Variants in DAB1 observed in about 807,000 individuals in gnomAD.
The protein encoded by DAB1 is disabled homolog 1.
Under a neutral mutation model 64.6 loss-of-function variants are expected in DAB1, and 15 were observed. The observed-to-expected ratio is 0.23, with a 90% CI of 0.16 to 0.36. The LOEUF (loss-of-function observed/expected upper bound fraction) is 0.36. Ranked by LOEUF, DAB1 falls within the 10% of genes least tolerant of loss-of-function variation. DAB1 has a pLI of 1.00. For missense variants in DAB1, 596 were observed against 706.7 expected (o/e 0.84, Z 1.78); for synonymous variants, 235 against 251.9 (o/e 0.93, Z 0.64).
chr1:58,234,809 A>G lies in DAB1; in HGVS notation n.310-84221T>C, dbSNP rs114186130. Among the ~76,000 whole-genome samples the G allele has an allele frequency of 1.8e-3, 269 of 152,314 alleles. 2 individuals are homozygous for G. The highest frequency in any genetic ancestry group is 6.2e-3 in the African/African-American group (256 of 41,582). Reference sequence around the variant, plus strand: ...GCAATGGAGAGCCATTGAAGGCTTGAGCCGGAGGAAGTGACACCCAGAGCC... The same window carrying G: ...GCAATGGAGAGCCATTGAAGGCTTGGGCCGGAGGAAGTGACACCCAGAGCC... On this transcript the variant is annotated intron_variant and non_coding_transcript_variant, in intron 4 of 20. Transcript: ENST00000485760.
At chr1:58,249,247 G>C (rs1343906083) in intron 4 of DAB1, among the ~76,000 whole-genome samples, 26 of 151,706 alleles carry the variant, frequency 1.7e-4, no homozygotes, top group Admixed American at 1.7e-3. Flanking sequence ...CCACATATTT[G>C]AATCTTTTTA....
At chr1:58,229,793 C>T (rs1163709979) in intron 4 of DAB1, among the ~76,000 whole-genome samples, 1 of 152,166 alleles carries the variant, frequency 6.6e-6, no homozygotes, top group Non-Finnish European at 1.5e-5. Flanking sequence ...AACTAAGTTA[C>T]CCAAGGGGGA....
Position 57,011,284 on chromosome 1 carries a change from C to T in DAB1, c.1445-12G>A. ...GGCTGGGGTTGGAGCTACACAGAGA[C>T]CACAGAAAAAGAGACATCTTAAGTG... On this transcript the variant is annotated splice_polypyrimidine_tract_variant and intron_variant, in intron 12 of 14. Coordinates refer to ENST00000371236, the MANE Select transcript of DAB1 (RefSeq NM_001365792.1). 6.2e-7 allele frequency: 1 copy of T among 1,609,770 alleles called. No homozygotes were observed. The highest frequency in any genetic ancestry group is 1.1e-5 in the South Asian group (1 of 89,870).
chr1:58,448,920 G>A (rs780854720), intron 3 of DAB1, among the ~76,000 whole-genome samples: 14 of 152,160 alleles, frequency 9.2e-5, no homozygotes, highest in Non-Finnish European at 1.9e-4. Flanking sequence ...GTCCATCCAC[G>A]TTTATAGAGT....
At chr1:58,133,614 A>G (rs1653770996) in intron 5 of DAB1, among the ~76,000 whole-genome samples, 1 of 152,192 alleles carries the variant, frequency 6.6e-6, no homozygotes, top group Admixed American at 6.5e-5. Flanking sequence ...CAATTGATCA[A>G]TAAGTTTATT....
intron 7 of DAB1, among the ~76,000 whole-genome samples, chr1:57,563,972 G>A (rs1645085332): frequency 6.6e-6 from 1 of 152,172 alleles, no homozygotes; most frequent in Non-Finnish European, 1.5e-5. Context: ...TGAGATCTGA[G>A]AATGGAGAGA....
At chr1:57,175,142 A>G (rs1482173165) in intron 2 of DAB1, among the ~76,000 whole-genome samples, 1 of 152,150 alleles carries the variant, frequency 6.6e-6, no homozygotes, top group African/African-American at 2.4e-5. Flanking sequence ...TTATGCTTAT[A>G]CACTTCATTA....
Position 57,654,388 on chromosome 1 carries a change from C to T in DAB1, n.552-4723G>A, listed in dbSNP as rs77536807. Among the ~76,000 whole-genome samples, 852 of 152,134 alleles carry T rather than the reference C, an allele frequency of 5.6e-3. 9 individuals carry two copies. The highest frequency in any genetic ancestry group is 0.019 in the African/African-American group (790 of 41,500). On this transcript the variant is annotated intron_variant and non_coding_transcript_variant, in intron 6 of 20. Coordinates refer to the DAB1 transcript ENST00000485760. ...CCAGAAGGCGACATTTAGTAAAGTCCTAAAACAGGTGTGGTCACAAGTTAT... is the reference window on the plus strand; with the variant it reads ...CCAGAAGGCGACATTTAGTAAAGTCTTAAAACAGGTGTGGTCACAAGTTAT...
intron 2 of DAB1, among the ~76,000 whole-genome samples, chr1:57,250,803 T>G (rs1244167284): frequency 3.9e-5 from 6 of 152,252 alleles, no homozygotes; most frequent in Non-Finnish European, 8.8e-5. Flanking sequence ...ATATTCATAT[T>G]ATCATGTCAT....
chr1:58,330,430 T>C (rs1465875909), intron 4 of DAB1, among the ~76,000 whole-genome samples: 1 of 152,358 alleles, frequency 6.6e-6, no homozygotes, highest in East Asian at 1.9e-4. Flanking sequence ...TGCAGCAAGT[T>C]CTTCAGAAGA....
At chr1:58,240,830 G>A (rs1200688952) in intron 4 of DAB1, among the ~76,000 whole-genome samples, 2 of 152,058 alleles carry the variant, frequency 1.3e-5, no homozygotes, top group African/African-American at 4.8e-5. Context: ...TAGTCCACAG[G>A]CAATACAAAG....
At chr1:57,127,610 C>T (rs1181503155) in intron 4 of DAB1, among the ~76,000 whole-genome samples, 1 of 152,112 alleles carries the variant, frequency 6.6e-6, no homozygotes, top group African/African-American at 2.4e-5. Context: ...TATCCAAATC[C>T]CTGAGAACAC....
chr1:57,180,982 C>T (rs1444494331), intron 2 of DAB1, among the ~76,000 whole-genome samples: 4 of 152,230 alleles, frequency 2.6e-5, no homozygotes, highest in African/African-American at 9.6e-5. Context: ...GTGTAAGGCT[C>T]CTGATTTGTG....
chr1:57,538,819 A>G (rs144436124), intron 7 of DAB1, among the ~76,000 whole-genome samples: 2 of 152,292 alleles, frequency 1.3e-5, no homozygotes, highest in Non-Finnish European at 2.9e-5. Context: ...ATTCATTACC[A>G]TTAAGACAAT....
intron 3 of DAB1, among the ~76,000 whole-genome samples, chr1:58,382,671 G>T (rs1644399693): frequency 6.6e-6 from 1 of 152,180 alleles, no homozygotes; most frequent in African/African-American, 2.4e-5. Flanking sequence ...AGTGTAAACT[G>T]CTATAGACTT....
chr1:58,254,287 A>C (rs1394087485), intron 4 of DAB1, among the ~76,000 whole-genome samples: 1 of 152,206 alleles, frequency 6.6e-6, no homozygotes, highest in Non-Finnish European at 1.5e-5. Context: ...TGTTTGTAGA[A>C]ATACAGTCAT....
rs372835977 is a variant in DAB1 at position 57,592,800 on chromosome 1, G to A, written n.625+56792C>T. On this transcript the variant is annotated intron_variant and non_coding_transcript_variant, in intron 7 of 20. Coordinates refer to the DAB1 transcript ENST00000485760. ...ACGGTGTTAGCAGTGTTAGTGTCTG[G>A]TGAGGGCTCTCTTCCTGGCTTGTAG... 4.6e-5 allele frequency among the ~76,000 whole-genome samples: 7 copies of A among 152,320 alleles called. No individual in the cohort carries two copies. In the South Asian group the frequency reaches 1.0e-3, roughly 23 times the overall value.
At chr1:57,565,839 AC>A (rs1645113518) in intron 7 of DAB1, among the ~76,000 whole-genome samples, 1 of 152,108 alleles carries the variant, frequency 6.6e-6, no homozygotes, top group Non-Finnish European at 1.5e-5. Flanking sequence ...AGACTTTAAC[AC>A]CCCACTGTCA....
At chr1:57,359,079 C>T (rs1036434445) in intron 1 of DAB1, among the ~76,000 whole-genome samples, 17 of 151,622 alleles carry the variant, frequency 1.1e-4, no homozygotes, top group African/African-American at 2.4e-4. Context: ...GCATAGGTAA[C>T]GAATAGACAA....
Sources: gnomAD v4.1 joint callset for allele counts (sites outside exome capture counted in the v4.1 genomes callset) on GRCh38, gnomAD v4.1.1 for gene constraint, MANE v1.5 for transcripts, NCBI Gene and HGNC (gene_info 2026-07-23, HGNC 2026-07-21) for gene names.